The following AFF2 variants were observed in gnomAD, a reference collection of about 807,000 sequenced individuals.
AFF2 encodes the protein AF4/FMR2 family member 2.
A neutral mutation model predicts 76.9 loss-of-function variants in AFF2; 14 were observed. The ratio of observed to expected loss-of-function variants is 0.18; its 90% CI spans 0.12 to 0.28. AFF2 has a LOEUF of 0.28. Among genes scored for constraint, AFF2 ranks in the 10% least tolerant of loss-of-function variants. AFF2 has a pLI of 1.00. For missense variants in AFF2, 868 were observed against 1,001.1 expected (o/e 0.87, Z 1.79); for synonymous variants, 398 against 366.7 (o/e 1.09, Z -0.98).
At chrX:148,980,584 G>A (rs934150042) in intron 18 of AFF2, among the ~76,000 whole-genome samples, 154 bp from the exon 19 acceptor site, 2 of 111,483 alleles carry the variant, frequency 1.8e-5, no homozygotes, top group Non-Finnish European at 3.8e-5. Flanking sequence ...AGTGTGCGTC[G>A]TGGTGTGCTG....
intron 15 of AFF2, among the ~76,000 whole-genome samples, chrX:148,968,004 C>T (rs2072202266): frequency 9.0e-6 from 1 of 111,552 alleles, no homozygotes; most frequent in South Asian, 3.8e-4. Flanking sequence ...ATGAAACTTC[C>T]CTGGAAATGA....
At chrX:148,539,672 T>A (rs6540380) in intron 1 of AFF2, among the ~76,000 whole-genome samples, 37,743 of 107,615 alleles carry the variant, frequency 0.35, 5,604 homozygotes, top group African/African-American at 0.47. Flanking sequence ...CTTTTTTTTT[T>A]AAAAAAATAA....
intron 1 of AFF2, among the ~76,000 whole-genome samples, chrX:148,618,046 G>T (rs1201388547): frequency 9.0e-6 from 1 of 111,268 alleles, no homozygotes; most frequent in Non-Finnish European, 1.9e-5. Flanking sequence ...ATATTTATGT[G>T]TGTATATATT....
intron 1 of AFF2, among the ~76,000 whole-genome samples, chrX:148,546,472 T>C (rs782770633): frequency 8.9e-6 from 1 of 112,377 alleles, no homozygotes; most frequent in East Asian, 2.8e-4. Context: ...TCTTGGTAAC[T>C]TTTTGGTGAC....
At chrX:148,787,657 C>G (rs1436484442) in intron 3 of AFF2, among the ~76,000 whole-genome samples, 2 of 111,801 alleles carry the variant, frequency 1.8e-5, no homozygotes, top group East Asian at 2.8e-4. Context: ...TTTGCCTGCT[C>G]GTCTCAACAT....
intron 9 of AFF2, among the ~76,000 whole-genome samples, chrX:148,942,290 C>T (rs980174173): frequency 3.7e-5 from 4 of 109,293 alleles, no homozygotes; most frequent in African/African-American, 1.0e-4. Context: ...AGACAAAAGT[C>T]GCATTTCTGT....
chrX:148,676,509 A>G (rs2054486704), intron 3 of AFF2, among the ~76,000 whole-genome samples: 1 of 112,256 alleles, frequency 8.9e-6, no homozygotes, highest in African/African-American at 3.2e-5. Flanking sequence ...AACTGAGATG[A>G]TGACATGTTG....
At chrX:148,756,347 T>C (rs1290445378) in intron 3 of AFF2, among the ~76,000 whole-genome samples, 1 of 112,375 alleles carries the variant, frequency 8.9e-6, no homozygotes, top group Non-Finnish European at 1.9e-5. Flanking sequence ...AGTGAGCTTC[T>C]CTCCTTGTGC....
chrX:148,682,122 G>T (rs1462087676), intron 3 of AFF2, among the ~76,000 whole-genome samples: 1 of 111,871 alleles, frequency 8.9e-6, no homozygotes, highest in Non-Finnish European at 1.9e-5. Context: ...GCTGGTTGTT[G>T]TACAGGTGGC....
chrX:148,908,521 T>G (rs2071435014), intron 9 of AFF2, among the ~76,000 whole-genome samples: 1 of 112,347 alleles, frequency 8.9e-6, no homozygotes, highest in Non-Finnish European at 1.9e-5. Context: ...ATGCCACATG[T>G]AAAAATGTTC....
At chrX:148,762,074 G>A (rs2069453600) in intron 3 of AFF2, among the ~76,000 whole-genome samples, 2 of 110,003 alleles carry the variant, frequency 1.8e-5, no homozygotes, top group African/African-American at 6.7e-5. Flanking sequence ...AATAGGTTTT[G>A]GGGGAACAAG....
intron 9 of AFF2, among the ~76,000 whole-genome samples, chrX:148,906,863 G>A (rs968404515): frequency 4.5e-5 from 5 of 111,650 alleles, no homozygotes; most frequent in Non-Finnish European, 9.4e-5. Context: ...CTGATCCAGC[G>A]AGGCACCCAT....
At chrX:148,877,901 T>C (rs1557278073) in intron 7 of AFF2, among the ~76,000 whole-genome samples, 2 of 112,209 alleles carry the variant, frequency 1.8e-5, no homozygotes, top group African/African-American at 6.5e-5. Flanking sequence ...AAGGAGTTAT[T>C]TCCTTAATCA....
At chrX:148,614,709 C>CTT (rs200812726) in intron 1 of AFF2, among the ~76,000 whole-genome samples, 213 of 44,132 alleles carry the variant, frequency 4.8e-3, no homozygotes, top group African/African-American at 0.025. Flanking sequence ...TTCTTTCTTT[C>CTT]TTTCTTTCTT....
intron 16 of AFF2, among the ~76,000 whole-genome samples, chrX:148,974,228 G>T (rs1478386090): frequency 9.0e-6 from 1 of 110,835 alleles, no homozygotes; most frequent in Non-Finnish European, 1.9e-5. Flanking sequence ...GGTCTTGGTG[G>T]TGTAGAAATT....
intron 1 of AFF2, among the ~76,000 whole-genome samples, chrX:148,600,820 C>T (rs943845271): frequency 8.9e-5 from 10 of 112,139 alleles, no homozygotes; most frequent in African/African-American, 3.2e-4. Context: ...GAGCCTCCTC[C>T]AAGCAGGCAG....
At chrX:148,670,031 G>A (rs1470075629) in intron 3 of AFF2, among the ~76,000 whole-genome samples, 1 of 111,292 alleles carries the variant, frequency 9.0e-6, no homozygotes, top group Non-Finnish European at 1.9e-5. Context: ...TGGTCTCATT[G>A]GTATTCAAAT....
At chrX:148,651,692 C>A (rs890799682) in intron 1 of AFF2, among the ~76,000 whole-genome samples, 1 of 108,302 alleles carries the variant, frequency 9.2e-6, no homozygotes, top group Non-Finnish European at 1.9e-5. Context: ...TGTGGGCTGA[C>A]TTTTGGGGAG....
intron 19 of AFF2, among the ~76,000 whole-genome samples, chrX:148,983,316 T>C (rs1186434840): frequency 2.7e-5 from 3 of 111,917 alleles, no homozygotes; most frequent in African/African-American, 9.7e-5. Context: ...TGGAGGAAAA[T>C]GGACCTGCTA....
Sources: gnomAD v4.1 joint callset for allele counts (sites outside exome capture counted in the v4.1 genomes callset) on GRCh38, gnomAD v4.1.1 for gene constraint, MANE v1.5 for transcripts, NCBI Gene and HGNC (gene_info 2026-07-23, HGNC 2026-07-21) for gene names.